The following GFRA2 variants were observed in gnomAD, a reference collection of about 807,000 sequenced individuals.
GFRA2 encodes the protein GDNF family receptor alpha 2.
A neutral mutation model predicts 48.3 loss-of-function variants in GFRA2; 17 were observed. The observed-to-expected ratio is 0.35, with a 90% CI of 0.24 to 0.53. The LOEUF (loss-of-function observed/expected upper bound fraction) is 0.53, where lower values mean the gene tolerates loss of function less well. Ranked by LOEUF, GFRA2 falls within the 20% of genes least tolerant of loss-of-function variation. GFRA2 has a pLI of 0.93. For missense variants in GFRA2, 660 were observed against 637.3 expected, an observed-to-expected ratio of 1.04 and a Z score of -0.38; for synonymous variants, 305 against 257.2, an observed-to-expected ratio of 1.19 and a Z score of -1.78.
intron 1 of GFRA2, among the ~76,000 whole-genome samples, chr8:21,786,119 TCTG>T (rs1807256674): frequency 6.6e-6 from 1 of 152,212 alleles, no homozygotes; most frequent in Non-Finnish European, 1.5e-5. Context: ...CTGCTGCTCT[TCTG>T]CTCTCACCCC....
upstream of GFRA2, among the ~76,000 whole-genome samples, chr8:21,792,186 G>A (rs1331955090): frequency 3.9e-5 from 6 of 152,314 alleles, no homozygotes; most frequent in East Asian, 3.9e-4. Flanking sequence ...GAGGGAAGAA[G>A]GACCAGTGGA....
At chr8:21,763,649 C>T (rs1271998816) in intron 3 of GFRA2, among the ~76,000 whole-genome samples, 1 of 152,084 alleles carries the variant, frequency 6.6e-6, no homozygotes, top group Non-Finnish European at 1.5e-5. Flanking sequence ...CACATCCCAA[C>T]CTCAAGCCAC....
chr8:21,787,308 G>T (rs1191033810), intron 1 of GFRA2, among the ~76,000 whole-genome samples: 1 of 148,760 alleles, frequency 6.7e-6, no homozygotes, highest in Non-Finnish European at 1.5e-5. Flanking sequence ...AGTGGTCTTT[G>T]TTCAGACCCG....
At chr8:21,806,964 C>G (rs537127849) in intron 1 of GFRA2, among the ~76,000 whole-genome samples, 2 of 152,180 alleles carry the variant, frequency 1.3e-5, no homozygotes, top group Non-Finnish European at 2.9e-5. Flanking sequence ...TTGGTCACTT[C>G]AAGCTTCCTA....
chr8:21,804,416 C>T (rs2117117488), intron 2 of GFRA2, among the ~76,000 whole-genome samples: 1 of 147,072 alleles, frequency 6.8e-6, no homozygotes, highest in African/African-American at 2.6e-5. Flanking sequence ...CAACTATAAA[C>T]TTCTCTGCTA....
At chr8:21,732,767 G>C (rs2117506085) in intron 4 of GFRA2, among the ~76,000 whole-genome samples, 1 of 152,344 alleles carries the variant, frequency 6.6e-6, no homozygotes, top group Middle Eastern at 3.4e-3. Context: ...ACCCCCTAGA[G>C]TATTGTGGAG....
intron 1 of GFRA2, among the ~76,000 whole-genome samples, chr8:21,783,452 A>G (rs1732529690): frequency 6.6e-6 from 1 of 152,110 alleles, no homozygotes. Flanking sequence ...TACCCTAGGG[A>G]AACTGAGGCC....
chr8:21,698,780 T>G (rs1802332624), intron 7 of GFRA2, among the ~76,000 whole-genome samples: 1 of 148,998 alleles, frequency 6.7e-6, no homozygotes, highest in African/African-American at 2.5e-5. Context: ...AGACCCCCAC[T>G]CAGTATAGTA....
In GFRA2 at chr8:21,702,908, G is replaced by T. The variant is rs932210517; in HGVS notation, c.1115C>A (p.Ala372Asp). 1.9e-6 allele frequency: 3 copies of T among 1,593,510 alleles called. No individual in the cohort carries two copies. The highest frequency in any genetic ancestry group is 2.6e-6 in the Non-Finnish European group (3 of 1,171,974). ...CTTCTCCACCCGAGGGGCCTGGGTG[G>T]CCTGGAACGAGGGGCCTTTTGGGGA... Reference protein sequence around the residue: ...NVSPKGPSFQATQAPRVEKTP... With the variant: ...NVSPKGPSFQDTQAPRVEKTP... The change falls in exon 7 of 9, where the codon GCC becomes GAC. Residue 372 changes from alanine to aspartate, a missense_variant. Ala to Asp is a moderately radical substitution (Grantham distance 126). Coordinates refer to ENST00000524240, the MANE Select transcript of GFRA2 (RefSeq NM_001495.5).
chr8:21,726,912 C>T (rs1803898553), intron 4 of GFRA2, among the ~76,000 whole-genome samples: 1 of 151,928 alleles, frequency 6.6e-6, no homozygotes, highest in Non-Finnish European at 1.5e-5. Context: ...ACCACCACAC[C>T]CGGCTAATTT....
At chr8:21,766,267 C>T (rs1585317436) in intron 3 of GFRA2, among the ~76,000 whole-genome samples, 1 of 152,130 alleles carries the variant, frequency 6.6e-6, no homozygotes, top group Middle Eastern at 3.4e-3. Context: ...TCCCATCATC[C>T]TATTTTAATT....
At position 21,795,353 on chromosome 8, in the gene GFRA2, CT is replaced by C. The variant is rs1161859548; in HGVS notation, c.-35-7160del. The stretch of plus-strand genomic sequence containing the variant: ...CAGACAACAAACTGAAACACATTGT[CT>C]TTTTTTTTTCTTTTTTCTTTTTTCT... On this transcript the variant is annotated intron_variant, in intron 2 of 10. Coordinates refer to the GFRA2 transcript ENST00000517328. Among the ~76,000 whole-genome samples, 56 of 147,020 alleles carry C rather than the reference CT, an allele frequency of 3.8e-4. 1 individual carries two copies. Among genetic ancestry groups the C allele is most frequent in the East Asian group, 1.8e-3 (9 of 5,054 alleles).
At chr8:21,808,570 C>T (rs781726197) in intron 1 of GFRA2, among the ~76,000 whole-genome samples, 9 of 152,200 alleles carry the variant, frequency 5.9e-5, no homozygotes, top group Non-Finnish European at 1.3e-4. Flanking sequence ...TTTTCTTCTC[C>T]GCAGCTGAGC....
intron 3 of GFRA2, among the ~76,000 whole-genome samples, chr8:21,762,572 C>T (rs541235677): frequency 6.6e-6 from 1 of 152,272 alleles, no homozygotes; most frequent in Non-Finnish European, 1.5e-5. Flanking sequence ...ATCAATTTGA[C>T]GAATGGCAAA....
intron 3 of GFRA2, among the ~76,000 whole-genome samples, chr8:21,762,666 A>C (rs941123589): frequency 6.6e-6 from 1 of 152,204 alleles, no homozygotes; most frequent in Non-Finnish European, 1.5e-5. Flanking sequence ...AACCACACTT[A>C]AATTTCTTTC....
rs74736876 is a variant in GFRA2, at chr8:21,697,433, G to C, written c.1219-2916C>G. ...AACACCTCCCTGGGCCATCCCAAGG[G>C]ACATCTGCCCCAAGGTGTGGTCTCT... On this transcript the variant is annotated intron_variant, in intron 7 of 8. Transcript: ENST00000524240. 4.7e-3 allele frequency among the ~76,000 whole-genome samples: 712 copies of C among 152,172 alleles called. 5 individuals carry two copies. The highest frequency in any genetic ancestry group is 0.027 in the Middle Eastern group (8 of 294).
At chr8:21,775,643 G>T (rs1806654166) in intron 2 of GFRA2, among the ~76,000 whole-genome samples, 1 of 152,102 alleles carries the variant, frequency 6.6e-6, no homozygotes, top group African/African-American at 2.4e-5. Context: ...TTTCCTCTTT[G>T]CCCCCCATCG....
chr8:21,706,117 G>T (rs921236274), intron 4 of GFRA2, 76 bp from the exon 5 acceptor site: 1 of 925,084 alleles, frequency 1.1e-6, no homozygotes, highest in Non-Finnish European at 1.7e-6. Context: ...TGTCCTGCCA[G>T]TGGCATCTCC....
intron 4 of GFRA2, among the ~76,000 whole-genome samples, chr8:21,727,200 G>A (rs540332669): frequency 1.4e-4 from 22 of 152,290 alleles, no homozygotes; most frequent in African/African-American, 4.3e-4. Context: ...GTTTGATTCA[G>A]ATGCAGGCTG....
Sources: allele counts gnomAD v4.1 joint callset (sites outside exome capture counted in the v4.1 genomes callset), GRCh38; gene constraint gnomAD v4.1.1; transcripts MANE v1.5; gene names NCBI Gene and HGNC (gene_info 2026-07-23, HGNC 2026-07-21).